PCNT: variants seen among roughly 807,000 people sequenced by gnomAD.
PCNT encodes pericentrin.
Under a neutral mutation model 380.4 loss-of-function variants are expected in PCNT, and 319 were observed. The observed-to-expected ratio is 0.84, with a 90% confidence interval of 0.77 to 0.92. PCNT has a LOEUF of 0.92. PCNT is among the 40% of genes least tolerant of loss of function. The pLI is 0.00. For synonymous variants in PCNT, 1,845 were observed against 1,735.2 expected (o/e 1.06, Z -1.57); for missense variants, 4,400 against 4,255.3 (o/e 1.03, Z -0.95).
Position 46,398,020 on chromosome 21 carries a change from G to A in PCNT, c.4453G>A (p.Ala1485Thr). 2 of 1,584,016 alleles carry A rather than the reference G, an allele frequency of 1.3e-6. No individual in the cohort carries two copies. Among genetic ancestry groups the A allele is most frequent in the South Asian group, 1.1e-5 (1 of 87,252 alleles). ...RNQRQFMDEQ[A>T]AEREHEREEF... ...ACGCTGCCTCTCCTCCCAGGAGCAG[G>A]CAGCCGAGCGGGAGCACGAGCGCGA... Residue 1485 changes from alanine to threonine, a missense_variant, in exon 23 of 47, where the codon GCA (alanine) becomes ACA (threonine). By Grantham distance (58) the Ala-to-Thr change is moderately conservative. Transcript: ENST00000359568.
At chr21:46,351,645 A>G in intron 9 of PCNT, 105 bp downstream of exon 9, 1 of 786,030 alleles carries the variant, frequency 1.3e-6, no homozygotes, top group Non-Finnish European at 2.3e-6. Flanking sequence ...AAACACAAAA[A>G]AGTGGATTTA....
intron 15 of PCNT, among the ~76,000 whole-genome samples, chr21:46,372,926 C>T (rs889538052): frequency 2.0e-5 from 3 of 152,176 alleles, no homozygotes; most frequent in South Asian, 2.1e-4. Context: ...AAATTCTGTC[C>T]GTTTTATCTG....
chr21:46,437,183 T>C lies in PCNT; in HGVS notation c.9099+102T>C, dbSNP rs544984318. ...TTTCACGCTTCCCCATTGTTCTTCCTCCCTCGCTGCCTTCTCTGAATTCAT... is the reference window on the plus strand; with the variant it reads ...TTTCACGCTTCCCCATTGTTCTTCCCCCCTCGCTGCCTTCTCTGAATTCAT... On this transcript the variant is annotated intron_variant, in intron 40 of 46. Transcript: ENST00000359568. 13 of 761,370 alleles carry C rather than the reference T, an allele frequency of 1.7e-5. No homozygotes were observed. In the Admixed American group the frequency reaches 2.3e-4, roughly 14 times the overall value. The allele number at this position is 761,370 out of a possible 1,614,324, so 47.2% of individuals were successfully genotyped here.
At chr21:46,414,771 C>T (rs1359735836) in intron 29 of PCNT, among the ~76,000 whole-genome samples, 1 of 146,552 alleles carries the variant, frequency 6.8e-6, no homozygotes, top group Non-Finnish European at 1.5e-5. Flanking sequence ...CCACCCTCCT[C>T]CTGGACACAC....
At chr21:46,336,171 TTCA>T (rs1016988222) in intron 3 of PCNT, among the ~76,000 whole-genome samples, 1 of 152,044 alleles carries the variant, frequency 6.6e-6, no homozygotes, top group Non-Finnish European at 1.5e-5. Flanking sequence ...GAGAAGGGGT[TTCA>T]TCATATTGGT....
rs539064502 is a variant in PCNT, at chr21:46,324,732, C to T, written c.54+450C>T. ...CCCGCGTCCTCCGGGACCGGGTGGC[C>T]TGGGGCGGGCGGCCGGTATTCGGGT... On this transcript the variant is annotated intron_variant, in intron 1 of 46. Coordinates refer to ENST00000359568, the MANE Select transcript of PCNT (RefSeq NM_006031.6). 1.0e-3 allele frequency: 306 copies of T among 298,966 alleles called. 2 individuals carry two copies. Among genetic ancestry groups the T allele is most frequent in the African/African-American group, 6.5e-3 (286 of 44,286 alleles). The allele number at this position is 298,966 out of a possible 1,614,324, so 18.5% of individuals were successfully genotyped here. A position where few individuals can be genotyped will look rare whatever the true frequency, so the allele number is the denominator to read the frequency against.
intron 4 of PCNT, 84 bp from the exon 5 acceptor site, chr21:46,346,659 C>A: frequency 6.8e-7 from 1 of 1,470,542 alleles, no homozygotes. Context: ...CTTCCTTACT[C>A]ATTCTCATTC....
Position 46,366,653 on chromosome 21 carries a change from C to G in PCNT, c.2679C>G (p.Ala893=). ...SAEQDAFLQE[A]QEQHARELQL... is the part of the protein sequence containing the mutation. ...AACAAGATGCCTTCCTGCAGGAGGCCCAGGAGCAGCATGCCCGTGAGCTGC... is the reference window on the plus strand; with the variant it reads ...AACAAGATGCCTTCCTGCAGGAGGCGCAGGAGCAGCATGCCCGTGAGCTGC... Residue 893 remains alanine, a synonymous_variant, in exon 15 of 47, where the codon GCC becomes GCG. Coordinates refer to ENST00000359568, the MANE Select transcript of PCNT (RefSeq NM_006031.6). The G allele has an allele frequency of 6.2e-7, 1 of 1,613,944 alleles. No individual in the cohort carries two copies. The highest frequency in any genetic ancestry group is 8.5e-7 in the Non-Finnish European group (1 of 1,179,988).
At chr21:46,418,885 G>A (rs1465841705) in intron 31 of PCNT, among the ~76,000 whole-genome samples, 1 of 152,218 alleles carries the variant, frequency 6.6e-6, no homozygotes, top group Admixed American at 6.5e-5. Context: ...GGAGGTGCGT[G>A]GGCTTGACTT....
At chr21:46,418,599 A>G (rs1423245962) in intron 31 of PCNT, among the ~76,000 whole-genome samples, 2 of 152,152 alleles carry the variant, frequency 1.3e-5, no homozygotes, top group Non-Finnish European at 2.9e-5. Context: ...AGATTCACCC[A>G]TTGTCCCAGT....
At chr21:46,383,225 C>A (rs1200659347) in intron 16 of PCNT, among the ~76,000 whole-genome samples, 2 of 146,656 alleles carry the variant, frequency 1.4e-5, no homozygotes, top group Admixed American at 6.9e-5. Context: ...TATTCAGTGG[C>A]GGAAGCGCAT....
At chr21:46,379,736 A>G (rs2085450392) in intron 15 of PCNT, among the ~76,000 whole-genome samples, 1 of 151,144 alleles carries the variant, frequency 6.6e-6, no homozygotes, top group Non-Finnish European at 1.5e-5. Flanking sequence ...TCTCTAGTGA[A>G]TTTTTTTTTC....
At chr21:46,342,252 G>A (rs1028677303) in intron 3 of PCNT, among the ~76,000 whole-genome samples, 7 of 151,998 alleles carry the variant, frequency 4.6e-5, no homozygotes, top group Admixed American at 2.6e-4. Context: ...GATTACAGGC[G>A]TGCACAACTG....
chr21:46,355,492 A>T lies in PCNT; in HGVS notation c.1802A>T (p.His601Leu). ...PRFQAELEES[H>L]RHQLEALESP... ...TTCCAGGCGGAGTTAGAAGAAAGCC[A>T]CAGGCACCAGCTGGAAGCGCTGGAG... The change falls in exon 12 of 47, where the codon CAC becomes CTC. Residue 601 changes from histidine (H) to leucine (L), a missense_variant. Physicochemically the swap from His to Leu is moderately conservative, Grantham distance 99 (BLOSUM62 -3). Coordinates refer to ENST00000359568, the MANE Select transcript of PCNT (RefSeq NM_006031.6). The T allele has an allele frequency of 1.2e-6, 2 of 1,614,072 alleles. No homozygotes were observed. The highest frequency in any genetic ancestry group is 1.7e-6 in the Non-Finnish European group (2 of 1,180,018).
At chr21:46,435,013 T>C (rs569223003) in intron 38 of PCNT, among the ~76,000 whole-genome samples, 2 of 152,166 alleles carry the variant, frequency 1.3e-5, no homozygotes, top group Non-Finnish European at 2.9e-5. Flanking sequence ...CTTTTACCAC[T>C]GAATCATTCT....
chr21:46,429,901 C>T (rs561540980), intron 35 of PCNT, 109 bp from the exon 36 acceptor site: 2 of 816,102 alleles, frequency 2.5e-6, no homozygotes, highest in Admixed American at 2.2e-5. Flanking sequence ...CTCCTTTCTT[C>T]CCGAAGCACA....
At chr21:46,439,340 T>C (rs865882080) in intron 41 of PCNT, among the ~76,000 whole-genome samples, 2 of 152,112 alleles carry the variant, frequency 1.3e-5, no homozygotes, top group African/African-American at 4.8e-5. Flanking sequence ...TTTTCACTTT[T>C]TGGGTTTTTT....
At chr21:46,372,167 C>G (rs2085165421) in intron 15 of PCNT, among the ~76,000 whole-genome samples, 1 of 151,350 alleles carries the variant, frequency 6.6e-6, no homozygotes, top group South Asian at 2.1e-4. Flanking sequence ...GGCACACGCA[C>G]ACACACAGCA....
chr21:46,364,261 C>T (rs1397573914), intron 14 of PCNT, among the ~76,000 whole-genome samples: 1 of 151,686 alleles, frequency 6.6e-6, no homozygotes, highest in African/African-American at 2.4e-5. Context: ...GGCAGGCTGG[C>T]AGTTGCTGTC....
Sources: gnomAD v4.1 joint callset for allele counts (sites outside exome capture counted in the v4.1 genomes callset) on GRCh38, gnomAD v4.1.1 for gene constraint, MANE v1.5 for transcripts, NCBI Gene and HGNC (gene_info 2026-07-23, HGNC 2026-07-21) for gene names.